NEGR1: variants seen among roughly 807,000 people sequenced by gnomAD.
NEGR1 encodes the protein neuronal growth regulator 1, also known as IgLON family member 4.
Under a neutral mutation model 40.9 loss-of-function variants are expected in NEGR1, and 10 were observed. The ratio of observed to expected loss-of-function variants is 0.24; its 90% CI spans 0.15 to 0.42. The LOEUF is 0.42. NEGR1 is among the 10% of genes least tolerant of loss of function. The pLI, the probability that NEGR1 is intolerant of heterozygous loss-of-function variation, is 1.00. For synonymous variants in NEGR1, 185 were observed against 166.8 expected (o/e 1.11, Z -0.84); for missense variants, 352 against 438.9 (o/e 0.80, Z 1.77).
chr1:71,532,997 T>C (rs1050145778), intron 6 of NEGR1, among the ~76,000 whole-genome samples: 8 of 151,688 alleles, frequency 5.3e-5, no homozygotes, highest in Middle Eastern at 3.4e-3. Context: ...TCAACAGTCA[T>C]GCAACATATA....
chr1:72,001,596 A>G (rs966488168), intron 1 of NEGR1, among the ~76,000 whole-genome samples: 77 of 150,624 alleles, frequency 5.1e-4, no homozygotes, highest in African/African-American at 1.8e-3. Context: ...AACAATGGGC[A>G]CTAAGAAAGG....
intron 1 of NEGR1, among the ~76,000 whole-genome samples, chr1:71,942,791 C>T (rs1227030647): frequency 1.3e-5 from 2 of 148,406 alleles, no homozygotes; most frequent in Non-Finnish European, 3.0e-5. Flanking sequence ...CGTGAGCCAC[C>T]GCGCCCGGCC....
chr1:72,016,045 C>T (rs977978571), intron 1 of NEGR1, among the ~76,000 whole-genome samples: 16 of 152,108 alleles, frequency 1.1e-4, no homozygotes, highest in Non-Finnish European at 5.9e-5. Context: ...AATTATCCTT[C>T]ATTCTGAGAT....
At chr1:71,460,265 CT>C (rs1303434954) in intron 6 of NEGR1, among the ~76,000 whole-genome samples, 2 of 152,158 alleles carry the variant, frequency 1.3e-5, no homozygotes, top group Non-Finnish European at 2.9e-5. Flanking sequence ...CAAGTACAAG[CT>C]CTGCAGTCAG....
At chr1:72,201,228 T>C (rs552352184) in intron 1 of NEGR1, among the ~76,000 whole-genome samples, 2 of 151,774 alleles carry the variant, frequency 1.3e-5, no homozygotes, top group South Asian at 4.1e-4. Context: ...AGTACTTGGT[T>C]ATAGCTTTGA....
At chr1:71,689,654 G>A (rs1230774610) in intron 4 of NEGR1, among the ~76,000 whole-genome samples, 1 of 151,746 alleles carries the variant, frequency 6.6e-6, no homozygotes, top group East Asian at 1.9e-4. Context: ...ATGTTTCCAA[G>A]GTGACTGAAT....
chr1:71,666,988 G>A (rs370064920), intron 4 of NEGR1, among the ~76,000 whole-genome samples: 1 of 151,922 alleles, frequency 6.6e-6, no homozygotes, highest in Non-Finnish European at 1.5e-5. Flanking sequence ...ATTTTGTCTG[G>A]TATTAACATT....
At chr1:71,602,558 A>T in intron 5 of NEGR1, among the ~76,000 whole-genome samples, 1 of 152,020 alleles carries the variant, frequency 6.6e-6, no homozygotes, top group East Asian at 1.9e-4. Context: ...GCCGCCCATG[A>T]TTATTCTTAA....
At chr1:71,702,108 A>G (rs920159972) in intron 3 of NEGR1, among the ~76,000 whole-genome samples, 8 of 152,108 alleles carry the variant, frequency 5.3e-5, no homozygotes, top group Non-Finnish European at 8.8e-5. Flanking sequence ...TTTTGGTTAC[A>G]TATTTGTAAT....
intron 4 of NEGR1, among the ~76,000 whole-genome samples, chr1:71,613,857 A>G (rs944218063): frequency 3.3e-5 from 5 of 152,168 alleles, no homozygotes; most frequent in East Asian, 1.9e-4. Flanking sequence ...AGTGTGCACT[A>G]TGGATGTATT....
At chr1:71,454,266 CT>C (rs1646654121) in intron 6 of NEGR1, among the ~76,000 whole-genome samples, 1 of 152,024 alleles carries the variant, frequency 6.6e-6, no homozygotes, top group Non-Finnish European at 1.5e-5. Context: ...AGTGGATTTT[CT>C]GCTTTTCTCC....
chr1:71,651,079 A>G (rs1014613789), intron 4 of NEGR1, among the ~76,000 whole-genome samples: 6 of 152,166 alleles, frequency 3.9e-5, no homozygotes, highest in African/African-American at 1.4e-4. Context: ...ATAGTACCTG[A>G]CACGTATTAG....
chr1:72,002,140 G>T (rs1364612511), intron 1 of NEGR1, among the ~76,000 whole-genome samples: 1 of 151,810 alleles, frequency 6.6e-6, no homozygotes, highest in Non-Finnish European at 1.5e-5. Context: ...TTCTTAAACG[G>T]CTTTGGAAGA....
chr1:71,877,938 C>T lies in NEGR1; in HGVS notation c.409+57141G>A, dbSNP rs150152460. Among the ~76,000 whole-genome samples the T allele has an allele frequency of 3.4e-4, 52 of 152,070 alleles. 1 individual carries two copies. The East Asian group carries it at 9.5e-3, about 28-fold the overall frequency. ...AGGATTACAGTAAAATATACCATGG[C>T]CTGTCATGGCCTGAACTTCATTTAG... is the stretch of plus-strand genomic sequence containing the variant. On this transcript the variant is annotated intron_variant, in intron 2 of 6. Transcript: ENST00000357731.
chr1:71,638,957 A>G (rs530287720), intron 4 of NEGR1, among the ~76,000 whole-genome samples: 29 of 151,996 alleles, frequency 1.9e-4, no homozygotes, highest in Admixed American at 4.6e-4. Context: ...ACTCACATTC[A>G]TTTCACCTAT....
chr1:72,146,297 C>T (rs1032291553), intron 1 of NEGR1, among the ~76,000 whole-genome samples: 1 of 152,128 alleles, frequency 6.6e-6, no homozygotes, highest in Admixed American at 6.6e-5. Context: ...TGTTTAAGAG[C>T]GATGCAGGTA....
At chr1:72,234,016 G>T in intron 1 of NEGR1, among the ~76,000 whole-genome samples, 1 of 152,060 alleles carries the variant, frequency 6.6e-6, no homozygotes, top group Non-Finnish European at 1.5e-5. Flanking sequence ...AGGGGTACAT[G>T]TGCAGGTTTG....
intron 1 of NEGR1, among the ~76,000 whole-genome samples, chr1:72,019,205 A>C (rs555152146): frequency 6.6e-6 from 1 of 152,192 alleles, no homozygotes; most frequent in Non-Finnish European, 1.5e-5. Context: ...ATTTTTATCT[A>C]ACTGAAGAGA....
chr1:72,232,066 A>C (rs1192328690), intron 1 of NEGR1, among the ~76,000 whole-genome samples: 1 of 152,066 alleles, frequency 6.6e-6, no homozygotes, highest in African/African-American at 2.4e-5. Context: ...TATTTTAAGA[A>C]GCTTTGGGGC....
Sources: gnomAD v4.1 joint callset for allele counts (sites outside exome capture counted in the v4.1 genomes callset) on GRCh38, gnomAD v4.1.1 for gene constraint, MANE v1.5 for transcripts, NCBI Gene and HGNC (gene_info 2026-07-23, HGNC 2026-07-21) for gene names.